Variants in IMMP2L observed in about 807,000 individuals in gnomAD.
IMMP2L encodes the protein inner mitochondrial membrane peptidase subunit 2, also known as mitochondrial inner membrane protease subunit 2.
IMMP2L carries 18 observed loss-of-function variants against 19.3 expected under a neutral mutation model. The ratio of observed to expected loss-of-function variants is 0.93; its 90% CI spans 0.64 to 1.38. The LOEUF is 1.38. Among genes scored for constraint, IMMP2L ranks in the 40% most tolerant of loss-of-function variants. IMMP2L has a pLI of 0.00. For synonymous variants in IMMP2L, 76 were observed against 73.0 expected, an observed-to-expected ratio of 1.04 and a Z score of -0.21; for missense variants, 233 against 218.2, an observed-to-expected ratio of 1.07 and a Z score of -0.43.
At chr7:111,195,095 T>C (rs1235056679) in intron 3 of IMMP2L, among the ~76,000 whole-genome samples, 1 of 152,098 alleles carries the variant, frequency 6.6e-6, no homozygotes, top group South Asian at 2.1e-4. Flanking sequence ...ATGCACTACA[T>C]AAAACTTACA....
chr7:111,124,391 C>A (rs1429771324), intron 3 of IMMP2L: 1 of 1,613,608 alleles, frequency 6.2e-7, no homozygotes, highest in African/African-American at 1.3e-5. Flanking sequence ...GTTTTGGTGT[C>A]CTGGAAAGCA....
chr7:111,265,206 G>A (rs762485455), intron 3 of IMMP2L, among the ~76,000 whole-genome samples: 11 of 152,116 alleles, frequency 7.2e-5, no homozygotes, highest in African/African-American at 9.7e-5. Context: ...ATAAATTCAC[G>A]TGAGTACATT....
intron 5 of IMMP2L, among the ~76,000 whole-genome samples, chr7:110,702,380 C>G (rs1449917122): frequency 1.3e-5 from 2 of 152,012 alleles, no homozygotes; most frequent in South Asian, 4.1e-4. Flanking sequence ...TAAGTGGTTA[C>G]TTATGAACAA....
intron 3 of IMMP2L, among the ~76,000 whole-genome samples, chr7:111,445,318 C>G (rs77217046): frequency 0.021 from 3,145 of 151,844 alleles, 109 homozygotes; most frequent in African/African-American, 0.072. Context: ...AAGTGAGGAC[C>G]AGCTCCCCAA....
At chr7:111,383,646 T>C (rs933275703) in intron 3 of IMMP2L, among the ~76,000 whole-genome samples, 3 of 152,018 alleles carry the variant, frequency 2.0e-5, no homozygotes, top group African/African-American at 7.2e-5. Flanking sequence ...TTATAAATAA[T>C]GCATCAGTCC....
chr7:111,430,905 G>A (rs551472399), intron 3 of IMMP2L, among the ~76,000 whole-genome samples: 4 of 151,828 alleles, frequency 2.6e-5, no homozygotes, highest in East Asian at 3.9e-4. Flanking sequence ...TCAGCAGTTC[G>A]AGACCAGCCT....
intron 3 of IMMP2L, among the ~76,000 whole-genome samples, chr7:111,413,618 T>C (rs1834654903): frequency 6.6e-6 from 1 of 151,820 alleles, no homozygotes; most frequent in Non-Finnish European, 1.5e-5. Context: ...ACAATATCAA[T>C]AGTTACAGAA....
chr7:111,512,447 T>C (rs963055172), intron 2 of IMMP2L, among the ~76,000 whole-genome samples: 1 of 149,986 alleles, frequency 6.7e-6, no homozygotes, highest in African/African-American at 2.5e-5. Context: ...ATGGTAATGA[T>C]TGCATGACTC....
chr7:110,883,032 A>G (rs1041779455), intron 5 of IMMP2L, among the ~76,000 whole-genome samples: 1 of 152,312 alleles, frequency 6.6e-6, no homozygotes, highest in South Asian at 2.1e-4. Context: ...ATTTAAAAAC[A>G]TAAAGTTTAC....
intron 3 of IMMP2L, among the ~76,000 whole-genome samples, chr7:110,991,170 T>C (rs1028120875): frequency 6.6e-6 from 1 of 152,084 alleles, no homozygotes; most frequent in Admixed American, 6.6e-5. Context: ...GCTCTGAACA[T>C]ACAAGAAAAT....
chr7:110,800,957 C>T (rs1487277868), intron 5 of IMMP2L, among the ~76,000 whole-genome samples: 1 of 152,018 alleles, frequency 6.6e-6, no homozygotes, highest in African/African-American at 2.4e-5. Flanking sequence ...ACAATGGGTA[C>T]CTTCATCAGA....
rs139309582 is a variant in IMMP2L at position 111,345,740 on chromosome 7, A to T, written c.239+141498T>A. ...ATTCAAAGTACTAATGTCCCATTTGACAATCCTGACTGGTGAACATCAGGC... is the reference window on the plus strand; with the variant it reads ...ATTCAAAGTACTAATGTCCCATTTGTCAATCCTGACTGGTGAACATCAGGC... On this transcript the variant is annotated intron_variant, in intron 3 of 5. Coordinates refer to ENST00000405709, the MANE Select transcript of IMMP2L (RefSeq NM_032549.4). Among the ~76,000 whole-genome samples, 7 of 152,292 alleles carry T rather than the reference A, an allele frequency of 4.6e-5. No homozygotes were observed. In the East Asian group the frequency reaches 1.4e-3, roughly 29 times the overall value.
intron 3 of IMMP2L, among the ~76,000 whole-genome samples, chr7:111,285,379 G>A (rs568585332): frequency 2.6e-5 from 4 of 152,224 alleles, no homozygotes; most frequent in African/African-American, 9.6e-5. Context: ...TGATTGAACA[G>A]AGAAAAGCCT....
chr7:111,500,173 C>A (rs1844045402), intron 2 of IMMP2L, among the ~76,000 whole-genome samples: 1 of 152,174 alleles, frequency 6.6e-6, no homozygotes. Flanking sequence ...GCACCTGGCT[C>A]AGAGGGTCCT....
chr7:111,110,531 G>C (rs1195911436), intron 3 of IMMP2L, among the ~76,000 whole-genome samples: 2 of 152,090 alleles, frequency 1.3e-5, no homozygotes, highest in Non-Finnish European at 2.9e-5. Context: ...TCGTTTTTCA[G>C]TTTGGATGTT....
chr7:110,836,521 G>C (rs1010499803), intron 5 of IMMP2L, among the ~76,000 whole-genome samples: 1 of 152,074 alleles, frequency 6.6e-6, no homozygotes, highest in African/African-American at 2.4e-5. Flanking sequence ...CATGTGAGAC[G>C]TGCCTTTCAC....
intron 3 of IMMP2L, among the ~76,000 whole-genome samples, chr7:111,326,642 T>C (rs1825345989): frequency 6.6e-6 from 1 of 151,700 alleles, no homozygotes; most frequent in Admixed American, 6.6e-5. Flanking sequence ...CGCAAGGATA[T>C]ATCAATTCAC....
chr7:110,751,724 A>T (rs1797730631), intron 5 of IMMP2L, among the ~76,000 whole-genome samples: 1 of 152,030 alleles, frequency 6.6e-6, no homozygotes, highest in South Asian at 2.1e-4. Flanking sequence ...GCATTTTGTG[A>T]ATGAAAATAA....
chr7:111,360,184 T>C (rs762935190), intron 3 of IMMP2L, among the ~76,000 whole-genome samples: 4 of 152,170 alleles, frequency 2.6e-5, no homozygotes, highest in African/African-American at 9.6e-5. Flanking sequence ...TCCTCCATAA[T>C]ACATGGAGCT....
Sources: allele counts gnomAD v4.1 joint callset (sites outside exome capture counted in the v4.1 genomes callset), GRCh38; gene constraint gnomAD v4.1.1; transcripts MANE v1.5; gene names NCBI Gene and HGNC (gene_info 2026-07-23, HGNC 2026-07-21).